The following PKP4 variants were observed in gnomAD, a reference collection of about 807,000 sequenced individuals.
PKP4 encodes the protein plakophilin 4, also known as plakophilin-4.
A neutral mutation model predicts 145.1 loss-of-function variants in PKP4; 90 were observed. That is an observed-to-expected ratio of 0.62 (90% CI 0.52 to 0.74). The LOEUF (loss-of-function observed/expected upper bound fraction) is 0.74, where lower values mean the gene tolerates loss of function less well. Among genes scored for constraint, PKP4 ranks in the 30% least tolerant of loss-of-function variants. PKP4 has a pLI of 0.00. For synonymous variants in PKP4, 563 were observed against 577.2 expected (o/e 0.98, Z 0.35); for missense variants, 1,340 against 1,482.7 (o/e 0.90, Z 1.58).
intron 7 of PKP4, among the ~76,000 whole-genome samples, chr2:158,630,969 G>A (rs959515044): frequency 1.4e-5 from 2 of 142,004 alleles, no homozygotes; most frequent in African/African-American, 2.5e-5. Flanking sequence ...ACGGCGTCTT[G>A]CTCTGTTGCC....
At chr2:158,570,525 A>G (rs958872649) in intron 2 of PKP4, among the ~76,000 whole-genome samples, 6 of 152,216 alleles carry the variant, frequency 3.9e-5, no homozygotes, top group African/African-American at 1.4e-4. Flanking sequence ...AAGATTTTCA[A>G]CCAACAACAA....
At chr2:158,521,033 G>A (rs1053210928) in intron 1 of PKP4, among the ~76,000 whole-genome samples, 2 of 152,168 alleles carry the variant, frequency 1.3e-5, no homozygotes, top group African/African-American at 4.8e-5. Context: ...CACAAAGAGT[G>A]CTGCCTTGAA....
Position 158,522,308 on chromosome 2 carries a change from T to A in PKP4, c.-5-10872T>A, listed in dbSNP as rs1045828971. The stretch of plus-strand genomic sequence containing the variant: ...TAAAAGAGATTACATATATATTGAA[T>A]AATAGGTTACACCTATATATTACAT... On this transcript the variant is annotated intron_variant, in intron 1 of 21. Coordinates refer to ENST00000389759, the MANE Select transcript of PKP4 (RefSeq NM_003628.6). 2.0e-5 allele frequency among the ~76,000 whole-genome samples: 3 copies of A among 152,314 alleles called. No homozygotes were observed. The South Asian group carries it at 6.2e-4, about 32-fold the overall frequency.
Position 158,594,740 on chromosome 2 carries a change from G to A in PKP4, c.246-8330G>A, listed in dbSNP as rs1426989204. Among the ~76,000 whole-genome samples the A allele has an allele frequency of 2.0e-5, 3 of 152,074 alleles. No homozygotes were observed. The East Asian group carries it at 5.8e-4, about 29-fold the overall frequency. ...GAATGGACACTAAGTAAATTTGGAAGGGGTTTCAAAAAATATAGTTAAATA... is the reference window on the plus strand; with the variant it reads ...GAATGGACACTAAGTAAATTTGGAAAGGGTTTCAAAAAATATAGTTAAATA... On this transcript the variant is annotated intron_variant, in intron 3 of 21. Coordinates refer to ENST00000389759, the MANE Select transcript of PKP4 (RefSeq NM_003628.6).
At chr2:158,468,625 G>A (rs558810491) in intron 1 of PKP4, among the ~76,000 whole-genome samples, 4 of 152,228 alleles carry the variant, frequency 2.6e-5, no homozygotes, top group African/African-American at 9.6e-5. Context: ...AGGTGAGGAT[G>A]TAAGATGAAG....
intron 2 of PKP4, among the ~76,000 whole-genome samples, chr2:158,576,407 G>T (rs1181051009): frequency 6.6e-6 from 1 of 152,152 alleles, no homozygotes; most frequent in East Asian, 1.9e-4. Flanking sequence ...GAGACAGTAT[G>T]GCACAGGGGA....
At chr2:158,589,728 A>C (rs1025603466) in intron 3 of PKP4, among the ~76,000 whole-genome samples, 1 of 152,182 alleles carries the variant, frequency 6.6e-6, no homozygotes, top group Non-Finnish European at 1.5e-5. Context: ...TTTAATATTC[A>C]TGATGAAATA....
Position 158,533,336 on chromosome 2 carries a change from G to A in PKP4, c.132+20G>A. On this transcript the variant is annotated intron_variant, in intron 2 of 21. Coordinates refer to ENST00000389759, the MANE Select transcript of PKP4 (RefSeq NM_003628.6). ...GAGCAGGTACATCCTCGTATTGAAA[G>A]TTGCAGTGAATTATTTCTTTAATGC... is the stretch of plus-strand genomic sequence containing the variant. 6.2e-7 allele frequency: 1 copy of A among 1,613,466 alleles called. No individual in the cohort carries two copies. The highest frequency in any genetic ancestry group is 1.1e-5 in the South Asian group (1 of 91,040).
At chr2:158,659,758 A>C (rs904450940) in intron 12 of PKP4, 15 of 152,312 alleles carry the variant, frequency 9.8e-5, no homozygotes, top group African/African-American at 3.6e-4. Flanking sequence ...GCCGTAGCCT[A>C]CTGAGCAAAG....
chr2:158,477,368 C>T (rs147233531), intron 1 of PKP4, among the ~76,000 whole-genome samples: 121 of 152,252 alleles, frequency 7.9e-4, no homozygotes, highest in African/African-American at 2.8e-3. Flanking sequence ...GACTTTGCTT[C>T]TCCTCTCCCC....
chr2:158,594,359 CA>C (rs1204541790), intron 3 of PKP4, among the ~76,000 whole-genome samples: 1 of 152,214 alleles, frequency 6.6e-6, no homozygotes, highest in Non-Finnish European at 1.5e-5. Flanking sequence ...TGCCCTGTCT[CA>C]TTTGTTATGC....
intron 11 of PKP4, among the ~76,000 whole-genome samples, chr2:158,650,587 G>A (rs2055268031): frequency 6.6e-6 from 1 of 152,162 alleles, no homozygotes; most frequent in Non-Finnish European, 1.5e-5. Flanking sequence ...CCTTCAACTG[G>A]AATATGCAGG....
intron 16 of PKP4, among the ~76,000 whole-genome samples, chr2:158,668,733 G>A (rs556100644): frequency 2.0e-5 from 3 of 152,288 alleles, no homozygotes; most frequent in South Asian, 2.1e-4. Context: ...AGTGTTTGTC[G>A]TGAGCAAGCC....
intron 17 of PKP4, among the ~76,000 whole-genome samples, 182 bp from the exon 18 acceptor site, chr2:158,673,495 A>G (rs1259424868): frequency 6.6e-6 from 1 of 152,186 alleles, no homozygotes; most frequent in Non-Finnish European, 1.5e-5. Flanking sequence ...ACCTCTTGCC[A>G]GTTCCGAACC....
intron 3 of PKP4, among the ~76,000 whole-genome samples, chr2:158,598,794 A>G (rs1359668600): frequency 1.3e-5 from 2 of 152,184 alleles, no homozygotes; most frequent in Non-Finnish European, 1.5e-5. Context: ...TCCTGTTATT[A>G]TAGAACGTGA....
At chr2:158,540,009 C>T (rs146125952) in intron 2 of PKP4, among the ~76,000 whole-genome samples, 96 of 152,290 alleles carry the variant, frequency 6.3e-4, no homozygotes, top group African/African-American at 2.2e-3. Flanking sequence ...GTACTGCCCA[C>T]TCCTCAAAGA....
chr2:158,558,322 A>G (rs1426813326), intron 2 of PKP4, among the ~76,000 whole-genome samples: 1 of 152,180 alleles, frequency 6.6e-6, no homozygotes, highest in Non-Finnish European at 1.5e-5. Flanking sequence ...AAATGTCTAG[A>G]GCAAGTAGAA....
At chr2:158,574,834 G>T (rs2047708703) in intron 2 of PKP4, among the ~76,000 whole-genome samples, 1 of 152,170 alleles carries the variant, frequency 6.6e-6, no homozygotes, top group African/African-American at 2.4e-5. Context: ...GGGATATAAT[G>T]TGGACTTAAT....
chr2:158,665,535 G>T (rs568128255), intron 15 of PKP4, among the ~76,000 whole-genome samples: 1 of 152,288 alleles, frequency 6.6e-6, no homozygotes, highest in South Asian at 2.1e-4. Context: ...GTCACAGCAG[G>T]AAAGTATATG....
Sources: allele counts gnomAD v4.1 joint callset (sites outside exome capture counted in the v4.1 genomes callset), GRCh38; gene constraint gnomAD v4.1.1; transcripts MANE v1.5; gene names NCBI Gene and HGNC (gene_info 2026-07-23, HGNC 2026-07-21).